The following WWOX variants were observed in gnomAD, a reference collection of about 807,000 sequenced individuals.
The protein encoded by WWOX is WW domain containing oxidoreductase, also known as WW domain-containing oxidoreductase.
In WWOX, 69 loss-of-function variants were observed where a neutral mutation model predicts 46.2. That is an observed-to-expected ratio of 1.49 (90% confidence interval 1.23 to 1.82). WWOX has a LOEUF of 1.82. Among genes scored for constraint, WWOX ranks in the 40% most tolerant of loss-of-function variants. WWOX has a pLI of 0.00. For synonymous variants in WWOX, 359 were observed against 202.6 expected (o/e 1.77, Z -6.56); for missense variants, 919 against 542.6 (o/e 1.69, Z -6.89).
At chr16:79,088,936 A>AT (rs1014438403) in intron 8 of WWOX, among the ~76,000 whole-genome samples, 16 of 151,806 alleles carry the variant, frequency 1.1e-4, no homozygotes, top group Admixed American at 5.3e-4. Flanking sequence ...TTTAAAATCT[A>AT]TTTTTTTTGT....
At chr16:78,158,102 G>T (rs2034665714) in intron 4 of WWOX, among the ~76,000 whole-genome samples, 1 of 152,158 alleles carries the variant, frequency 6.6e-6, no homozygotes, top group South Asian at 2.1e-4. Context: ...TTTCCTCTGT[G>T]CTATGCTGAT....
In WWOX at chr16:79,098,913, A is replaced by G. The variant is rs368346281; in HGVS notation, c.1057-112695A>G. 2.7e-4 allele frequency among the ~76,000 whole-genome samples: 41 copies of G among 152,350 alleles called. No individual in the cohort carries two copies. In the South Asian group the frequency reaches 8.1e-3, roughly 30 times the overall value. The stretch of plus-strand genomic sequence containing the variant: ...GTTTTGTCCGTTTTGTGTTGCTATA[A>G]CAAAATACCTGAGACTGGGTAATTC... On this transcript the variant is annotated intron_variant, in intron 8 of 8. Coordinates refer to ENST00000566780, the MANE Select transcript of WWOX (RefSeq NM_016373.4).
chr16:78,324,635 A>G (rs1430176065), intron 5 of WWOX, among the ~76,000 whole-genome samples: 6 of 152,196 alleles, frequency 3.9e-5, no homozygotes, highest in African/African-American at 4.8e-5. Flanking sequence ...GAGGCATTCT[A>G]TAATGTGAGT....
chr16:78,193,066 C>T (rs977416078), intron 5 of WWOX, among the ~76,000 whole-genome samples: 1 of 152,210 alleles, frequency 6.6e-6, no homozygotes, highest in Admixed American at 6.5e-5. Flanking sequence ...CCTTGCAGGG[C>T]CCAGGCTGTA....
chr16:78,935,794 C>G (rs2045724870), intron 8 of WWOX, among the ~76,000 whole-genome samples: 1 of 151,750 alleles, frequency 6.6e-6, no homozygotes, highest in Non-Finnish European at 1.5e-5. Flanking sequence ...CTGCCTGTAC[C>G]CCAGCTACTT....
In WWOX at chr16:78,568,789, G is replaced by C. The variant is rs370528616; in HGVS notation, c.1056+136037G>C. 1.6e-4 allele frequency among the ~76,000 whole-genome samples: 25 copies of C among 152,258 alleles called. No homozygotes were observed. The South Asian group carries it at 5.0e-3, about 30-fold the overall frequency. ...AGCGTCCAGCCCCAACTTCTTAAAA[G>C]CCAGAAACAACTGGCTGTTAGCTGT... is the stretch of plus-strand genomic sequence containing the variant. On this transcript the variant is annotated intron_variant, in intron 8 of 8. Coordinates refer to ENST00000566780, the MANE Select transcript of WWOX (RefSeq NM_016373.4).
chr16:78,434,048 C>T (rs974652275), intron 8 of WWOX, among the ~76,000 whole-genome samples: 1 of 152,106 alleles, frequency 6.6e-6, no homozygotes, highest in Non-Finnish European at 1.5e-5. Flanking sequence ...CTCGGCCTCC[C>T]AAAGTGCTGG....
intron 8 of WWOX, among the ~76,000 whole-genome samples, chr16:78,543,989 T>C (rs2043962046): frequency 1.3e-5 from 2 of 152,200 alleles, no homozygotes; most frequent in Non-Finnish European, 2.9e-5. Context: ...AAAGAGAATT[T>C]GTAGATAGAC....
At chr16:78,447,955 C>T (rs150970626) in intron 8 of WWOX, among the ~76,000 whole-genome samples, 79 of 152,262 alleles carry the variant, frequency 5.2e-4, no homozygotes, top group Non-Finnish European at 9.4e-4. Flanking sequence ...AGGCACCCAC[C>T]ACTACATCCA....
chr16:78,475,677 C>T (rs113197460), intron 8 of WWOX, among the ~76,000 whole-genome samples: 3 of 151,886 alleles, frequency 2.0e-5, no homozygotes, highest in South Asian at 4.2e-4. Flanking sequence ...CTCACTGCAA[C>T]CTACACCTTC....
intron 8 of WWOX, among the ~76,000 whole-genome samples, chr16:78,827,671 A>AAAAAT (rs987025022): frequency 2.8e-5 from 3 of 107,270 alleles, no homozygotes; most frequent in African/African-American, 9.0e-5. Context: ...CATCTCTACT[A>AAAAAT]AAAATAAAAA....
intron 5 of WWOX, among the ~76,000 whole-genome samples, chr16:78,351,639 C>G (rs987240525): frequency 2.0e-5 from 3 of 152,084 alleles, no homozygotes; most frequent in Non-Finnish European, 2.9e-5. Context: ...GAATATCAGC[C>G]CTGCGTGGCT....
rs36043809 is a variant in WWOX, at chr16:78,355,236, C to CTGTG, written c.517-31612_517-31609dup. The stretch of plus-strand genomic sequence containing the variant: ...CTTTTTTTCTCTGAAGTCATTGCTC[C>CTGTG]TGTGTGTGTGTGTGTCTGTATATAA... On this transcript the variant is annotated intron_variant, in intron 5 of 8. Transcript: ENST00000566780. 4.6e-5 allele frequency among the ~76,000 whole-genome samples: 7 copies of CTGTG among 151,622 alleles called. No homozygotes were observed. The East Asian group carries it at 7.8e-4, about 17-fold the overall frequency.
chr16:78,853,577 C>G (rs944777659), intron 8 of WWOX, among the ~76,000 whole-genome samples: 1 of 152,180 alleles, frequency 6.6e-6, no homozygotes, highest in Admixed American at 6.5e-5. Context: ...GACCATGAGG[C>G]AGAATCTTTG....
At chr16:78,120,528 C>T (rs934973251) in intron 4 of WWOX, among the ~76,000 whole-genome samples, 2 of 151,654 alleles carry the variant, frequency 1.3e-5, no homozygotes, top group African/African-American at 4.9e-5. Context: ...TGAGATTGCG[C>T]CACTGCAGTC....
At chr16:78,386,189 A>G (rs1307072667) in intron 5 of WWOX, among the ~76,000 whole-genome samples, 1 of 152,118 alleles carries the variant, frequency 6.6e-6, no homozygotes, top group Non-Finnish European at 1.5e-5. Flanking sequence ...AGTTGTTAGG[A>G]GCCTTGAGTG....
chr16:78,203,789 C>T (rs2036307703), intron 5 of WWOX, among the ~76,000 whole-genome samples: 1 of 152,290 alleles, frequency 6.6e-6, no homozygotes, highest in South Asian at 2.1e-4. Flanking sequence ...TTATTTTCCT[C>T]ACTGGTGTGG....
intron 8 of WWOX, among the ~76,000 whole-genome samples, chr16:78,734,517 C>T (rs2049038681): frequency 6.6e-6 from 1 of 151,900 alleles, no homozygotes; most frequent in South Asian, 2.1e-4. Context: ...TCTTTACCTA[C>T]CTGGGACCTC....
intron 8 of WWOX, among the ~76,000 whole-genome samples, chr16:78,895,096 T>A (rs975469963): frequency 2.6e-5 from 4 of 152,186 alleles, no homozygotes; most frequent in East Asian, 1.9e-4. Context: ...CTTCAATGTT[T>A]CCATGGTGAG....
Sources: allele counts gnomAD v4.1 joint callset (sites outside exome capture counted in the v4.1 genomes callset), GRCh38; gene constraint gnomAD v4.1.1; transcripts MANE v1.5; gene names NCBI Gene and HGNC (gene_info 2026-07-23, HGNC 2026-07-21).